The following EYS variants were observed in gnomAD, a reference collection of about 807,000 sequenced individuals.
EYS encodes protein eyes shut homolog.
In EYS, 250 loss-of-function variants were observed where a neutral mutation model predicts 282.1. That is an observed-to-expected ratio of 0.89 (90% CI 0.80 to 0.98). The LOEUF (loss-of-function observed/expected upper bound fraction) is 0.98, where lower values mean the gene tolerates loss of function less well. Among genes scored for constraint, EYS ranks in the 50% least tolerant of loss-of-function variants. The pLI, the probability that EYS is intolerant of heterozygous loss-of-function variation, is 0.00. For missense variants in EYS, 4,016 were observed against 3,709.0 expected (o/e 1.08, Z -2.15); for synonymous variants, 1,355 against 1,282.9 (o/e 1.06, Z -1.20).
chr6:64,598,317 C>A (rs574221369), intron 24 of EYS, among the ~76,000 whole-genome samples: 4 of 152,200 alleles, frequency 2.6e-5, no homozygotes, highest in African/African-American at 9.6e-5. Flanking sequence ...AAAAATTAGC[C>A]GGCCTTGGTG....
intron 26 of EYS, among the ~76,000 whole-genome samples, chr6:64,553,393 T>C (rs529589071): frequency 4.6e-4 from 70 of 152,258 alleles, no homozygotes; most frequent in Non-Finnish European, 7.5e-4. Context: ...GTATGCAATG[T>C]AATATGGAGG....
chr6:64,105,913 A>G lies in EYS; in HGVS notation c.6425-23911T>C, dbSNP rs9444557. Among the ~76,000 whole-genome samples, 301 of 152,238 alleles carry G rather than the reference A, an allele frequency of 2.0e-3. 1 individual carries two copies. Among genetic ancestry groups the G allele is most frequent in the African/African-American group, 7.0e-3 (291 of 41,540 alleles). On this transcript the variant is annotated intron_variant, in intron 31 of 42. Coordinates refer to ENST00000503581, the MANE Select transcript of EYS (RefSeq NM_001142800.2). The stretch of plus-strand genomic sequence containing the variant: ...GTGTTAGCATGGCATATCTGTCTCC[A>G]TCTCCTTACTTTTAAGCTATATGTG...
intron 22 of EYS, among the ~76,000 whole-genome samples, chr6:64,633,674 C>T (rs7745828): frequency 0.027 from 4,029 of 149,918 alleles, 197 homozygotes; most frequent in African/African-American, 0.093. Flanking sequence ...TAACCCCCAT[C>T]ATTGGAAAGT....
chr6:65,293,435 G>T (rs1768581149), intron 12 of EYS, among the ~76,000 whole-genome samples: 1 of 151,658 alleles, frequency 6.6e-6, no homozygotes, highest in South Asian at 2.1e-4. Context: ...AATCCTGTAG[G>T]ATTCACTCAA....
chr6:64,703,429 A>ATATATATATATATATTTTTTTT (rs869208549), intron 22 of EYS, among the ~76,000 whole-genome samples: 1 of 23,366 alleles, frequency 4.3e-5, no homozygotes, highest in African/African-American at 9.6e-5. Context: ...ATATATATAT[A>ATATATATATATATATTTTTTTT]TTTTTTTTTT....
At chr6:65,196,845 TAAG>T (rs1450683210) in intron 12 of EYS, among the ~76,000 whole-genome samples, 1 of 151,922 alleles carries the variant, frequency 6.6e-6, no homozygotes, top group Admixed American at 6.6e-5. Flanking sequence ...CGTTTTCCAT[TAAG>T]AGGGAGTGGT....
intron 12 of EYS, among the ~76,000 whole-genome samples, chr6:65,292,752 A>C (rs1050809149): frequency 2.6e-5 from 4 of 151,740 alleles, no homozygotes; most frequent in Non-Finnish European, 5.9e-5. Flanking sequence ...ACACTTCTAC[A>C]GAAATAAAAA....
In EYS at chr6:64,377,542, T is replaced by A. The variant is rs1018300079; in HGVS notation, c.6078+11148A>T. Among the ~76,000 whole-genome samples the A allele has an allele frequency of 3.9e-5, 6 of 152,258 alleles. No individual in the cohort carries two copies. The East Asian group carries it at 1.2e-3, about 29-fold the overall frequency. ...AATTCCCTTATCTGTGAAATGGAGA[T>A]ACTAATATTACTTACTGCAAAGAGT... On this transcript the variant is annotated intron_variant, in intron 29 of 42. Coordinates refer to ENST00000503581, the MANE Select transcript of EYS (RefSeq NM_001142800.2).
At chr6:64,455,248 G>A (rs920189596) in intron 26 of EYS, among the ~76,000 whole-genome samples, 4 of 151,892 alleles carry the variant, frequency 2.6e-5, no homozygotes, top group Non-Finnish European at 4.4e-5. Context: ...TATCATCTGT[G>A]AATAATGAGA....
At chr6:65,090,891 G>A (rs1413761332) in intron 12 of EYS, among the ~76,000 whole-genome samples, 3 of 151,848 alleles carry the variant, frequency 2.0e-5, no homozygotes, top group Non-Finnish European at 4.4e-5. Context: ...CTGTCATAAG[G>A]TCTGAGAATG....
In EYS at chr6:64,439,276, G is replaced by T. The variant is rs757476351; in HGVS notation, c.5721C>A (p.Ile1907=). ...AGCTGAAGGTCTGAAATTCTAGGGA[G>T]ATGTTATTTTGTGGATTTAAAGCCA... ...QNVALNPQNN[I]SLEFQTFSSY... Residue 1907 remains isoleucine, a synonymous_variant, in exon 27 of 43, where the codon ATC becomes ATA. Transcript: ENST00000503581. 6 of 1,520,960 alleles carry T rather than the reference G, an allele frequency of 3.9e-6. No homozygotes were observed. The highest frequency in any genetic ancestry group is 1.4e-5 in the African/African-American group (1 of 71,074). 94.2% of individuals were successfully genotyped at this position (1,520,960 alleles called of 1,614,324 possible).
rs756240610 is a variant in EYS at position 65,384,393 on chromosome 6, C to A, written c.1292G>T (p.Arg431Ile). ...ATGTATTAAATTACTTACTTTGAATCTTCCAATTATATTGAAACACCATTC... is the reference window on the plus strand; with the variant it reads ...ATGTATTAAATTACTTACTTTGAATATTCCAATTATATTGAAACACCATTC... ...NEEWCFNIIGRFKYVCIPGCT... is the reference protein window; with the variant it reads ...NEEWCFNIIGIFKYVCIPGCT... Residue 431 changes from arginine (R) to isoleucine (I), a missense_variant, in exon 8 of 43, where the codon AGA (arginine) becomes ATA (isoleucine). By Grantham distance (97) the Arg-to-Ile change is moderately conservative (BLOSUM62 -3). Transcript: ENST00000503581. 1 of 1,585,692 alleles carries A rather than the reference C, an allele frequency of 6.3e-7. No individual in the cohort carries two copies. The highest frequency in any genetic ancestry group is 2.2e-5 in the East Asian group (1 of 44,474).
chr6:64,968,876 A>G (rs887300583), intron 14 of EYS, among the ~76,000 whole-genome samples: 4 of 152,142 alleles, frequency 2.6e-5, no homozygotes, highest in African/African-American at 9.7e-5. Flanking sequence ...TTCCAACCCC[A>G]GACCACATCC....
chr6:64,537,164 C>G (rs1335424974), intron 26 of EYS, among the ~76,000 whole-genome samples: 3 of 120,334 alleles, frequency 2.5e-5, no homozygotes, highest in Non-Finnish European at 5.1e-5. Context: ...CCCCTCCCCC[C>G]ACCCCACAAC....
intron 22 of EYS, among the ~76,000 whole-genome samples, chr6:64,727,943 A>G (rs957106427): frequency 6.6e-6 from 1 of 152,226 alleles, no homozygotes; most frequent in African/African-American, 2.4e-5. Flanking sequence ...ATCTGAAGAT[A>G]CAATTGAAAC....
intron 29 of EYS, 43 bp downstream of exon 29, chr6:64,388,647 A>C: frequency 7.2e-7 from 1 of 1,388,242 alleles, no homozygotes; most frequent in Non-Finnish European, 9.6e-7. Flanking sequence ...ATTTTCAATA[A>C]TTATTTTCAA....
intron 12 of EYS, among the ~76,000 whole-genome samples, chr6:65,218,629 T>A (rs768069810): frequency 3.3e-5 from 5 of 152,118 alleles, no homozygotes; most frequent in Non-Finnish European, 5.9e-5. Flanking sequence ...AACACATGAA[T>A]CAGACTTCAA....
intron 2 of EYS, among the ~76,000 whole-genome samples, chr6:65,545,882 G>A (rs965638152): frequency 3.7e-4 from 56 of 152,178 alleles, no homozygotes; most frequent in African/African-American, 1.3e-3. Context: ...GATGCTGATT[G>A]ATGAAATAGT....
At chr6:63,751,693 G>T (rs1769343639) in intron 41 of EYS, among the ~76,000 whole-genome samples, 2 of 152,140 alleles carry the variant, frequency 1.3e-5, no homozygotes, top group Admixed American at 1.3e-4. Flanking sequence ...ATGGATTATT[G>T]TCAGAGTCCA....
Sources: allele counts gnomAD v4.1 joint callset (sites outside exome capture counted in the v4.1 genomes callset), GRCh38; gene constraint gnomAD v4.1.1; transcripts MANE v1.5; gene names NCBI Gene and HGNC (gene_info 2026-07-23, HGNC 2026-07-21).